TSHZ2: variants seen among roughly 807,000 people sequenced by gnomAD.
TSHZ2 encodes teashirt zinc finger homeobox 2.
TSHZ2 carries 21 observed loss-of-function variants against 74.4 expected under a neutral mutation model. That is an observed-to-expected ratio of 0.28 (90% CI 0.20 to 0.41). TSHZ2 has a LOEUF of 0.41. Ranked by LOEUF, TSHZ2 falls within the 10% of genes least tolerant of loss-of-function variation. TSHZ2 has a pLI of 1.00. For missense variants in TSHZ2, 1,244 were observed against 1,293.5 expected, an observed-to-expected ratio of 0.96 and a Z score of 0.59; for synonymous variants, 540 against 515.3, an observed-to-expected ratio of 1.05 and a Z score of -0.65.
intron 1 of TSHZ2, among the ~76,000 whole-genome samples, chr20:53,050,583 T>C (rs1984425170): frequency 6.6e-6 from 1 of 152,212 alleles, no homozygotes; most frequent in Non-Finnish European, 1.5e-5. Flanking sequence ...CTGTGTAATG[T>C]CAGCAGAGAC....
At chr20:53,180,390 C>G (rs1283693102) in intron 1 of TSHZ2, among the ~76,000 whole-genome samples, 2 of 152,174 alleles carry the variant, frequency 1.3e-5, no homozygotes, top group Non-Finnish European at 2.9e-5. Context: ...TCAAAGGGAA[C>G]AATCCGAAGT....
At chr20:53,216,479 G>A (rs1989436096) in intron 1 of TSHZ2, among the ~76,000 whole-genome samples, 1 of 152,184 alleles carries the variant, frequency 6.6e-6, no homozygotes, top group South Asian at 2.1e-4. Flanking sequence ...CCCTAGCTAG[G>A]ATATGTCATT....
intron 1 of TSHZ2, among the ~76,000 whole-genome samples, chr20:53,003,433 C>T (rs1244565128): frequency 6.6e-6 from 1 of 152,128 alleles, no homozygotes; most frequent in Non-Finnish European, 1.5e-5. Flanking sequence ...CCTCTGTGAA[C>T]TTTTGAGAAG....
At chr20:53,064,689 A>AACACACAC (rs111943855) in intron 1 of TSHZ2, among the ~76,000 whole-genome samples, 37,415 of 150,722 alleles carry the variant, frequency 0.25, 5,472 homozygotes, top group African/African-American at 0.4. Context: ...TAGACAGAGA[A>AACACACAC]ACACACACAC....
chr20:53,239,673 T>G (rs1990021192), intron 1 of TSHZ2, among the ~76,000 whole-genome samples: 1 of 152,078 alleles, frequency 6.6e-6, no homozygotes, highest in Non-Finnish European at 1.5e-5. Context: ...ATCCCAAATT[T>G]TACAGTATCA....
intron 1 of TSHZ2, among the ~76,000 whole-genome samples, chr20:53,235,477 G>C (rs921292498): frequency 2.0e-5 from 3 of 152,104 alleles, no homozygotes; most frequent in Non-Finnish European, 2.9e-5. Context: ...GCCAGGACTT[G>C]AGTTCATATC....
chr20:53,418,111 A>G (rs902109165), intron 2 of TSHZ2, among the ~76,000 whole-genome samples: 6 of 152,188 alleles, frequency 3.9e-5, no homozygotes, highest in African/African-American at 1.2e-4. Context: ...AGGTCTTGCT[A>G]TGGAGGGAAT....
intron 1 of TSHZ2, among the ~76,000 whole-genome samples, chr20:53,066,791 C>T (rs970705243): frequency 2.6e-5 from 4 of 152,184 alleles, no homozygotes; most frequent in Admixed American, 6.5e-5. Context: ...CAGGCGTGAG[C>T]CACCACGAAG....
chr20:53,364,198 G>C (rs906024721), intron 2 of TSHZ2, among the ~76,000 whole-genome samples: 1 of 152,330 alleles, frequency 6.6e-6, no homozygotes, highest in African/African-American at 2.4e-5. Flanking sequence ...CTGCCTGGGA[G>C]GAAGGTGCTT....
At chr20:53,011,883 A>G (rs1239553707) in intron 1 of TSHZ2, among the ~76,000 whole-genome samples, 1 of 152,162 alleles carries the variant, frequency 6.6e-6, no homozygotes, top group Non-Finnish European at 1.5e-5. Context: ...CAATAGGGTC[A>G]TTCTTTTCTG....
intron 1 of TSHZ2, among the ~76,000 whole-genome samples, chr20:53,112,039 G>A (rs1307794698): frequency 6.6e-6 from 1 of 152,172 alleles, no homozygotes; most frequent in Non-Finnish European, 1.5e-5. Flanking sequence ...ATCAAGAACT[G>A]AGAACCATGG....
At chr20:52,988,933 C>T (rs1159045079) in intron 1 of TSHZ2, among the ~76,000 whole-genome samples, 1 of 152,028 alleles carries the variant, frequency 6.6e-6, no homozygotes, top group Non-Finnish European at 1.5e-5. Context: ...ACGCATGCAA[C>T]GACACTGCCC....
chr20:53,314,619 T>C (rs1290365095), intron 2 of TSHZ2, among the ~76,000 whole-genome samples: 1 of 146,826 alleles, frequency 6.8e-6, no homozygotes, highest in African/African-American at 2.5e-5. Context: ...AATGTAGTCC[T>C]AGCTTTTTTT....
intron 2 of TSHZ2, among the ~76,000 whole-genome samples, chr20:53,468,121 A>G (rs2145828751): frequency 6.6e-6 from 1 of 152,338 alleles, no homozygotes; most frequent in East Asian, 1.9e-4. Flanking sequence ...CATACTGAGA[A>G]GAGATTCATG....
At chr20:53,336,387 G>C (rs1421497887) in intron 2 of TSHZ2, among the ~76,000 whole-genome samples, 1 of 152,212 alleles carries the variant, frequency 6.6e-6, no homozygotes, top group Non-Finnish European at 1.5e-5. Flanking sequence ...TCTGTAGCTA[G>C]TATATTTTAT....
chr20:53,349,196 A>G (rs1238237327), intron 2 of TSHZ2, among the ~76,000 whole-genome samples: 3 of 152,224 alleles, frequency 2.0e-5, no homozygotes, highest in African/African-American at 7.2e-5. Flanking sequence ...CAGTTTCCTC[A>G]TCTGTTAAAA....
intron 2 of TSHZ2, among the ~76,000 whole-genome samples, chr20:53,370,188 C>G (rs156611): frequency 0.52 from 79,558 of 151,888 alleles, 24,350 homozygotes; most frequent in Non-Finnish European, 0.7. Flanking sequence ...CTCTAAAATT[C>G]AGAGAGCAGC....
chr20:53,048,787 T>TG (rs750913358), intron 1 of TSHZ2, among the ~76,000 whole-genome samples: 12 of 152,152 alleles, frequency 7.9e-5, no homozygotes, highest in South Asian at 6.2e-4. Flanking sequence ...ATTTTGTGAG[T>TG]GGGGGGTTCT....
intron 2 of TSHZ2, among the ~76,000 whole-genome samples, chr20:53,449,434 T>A (rs937574221): frequency 1.3e-5 from 2 of 152,242 alleles, no homozygotes; most frequent in Non-Finnish European, 2.9e-5. Context: ...GCACCCACTA[T>A]GTGTCAGGCA....
Sources: allele counts gnomAD v4.1 joint callset (sites outside exome capture counted in the v4.1 genomes callset), GRCh38; gene constraint gnomAD v4.1.1; transcripts MANE v1.5; gene names NCBI Gene and HGNC (gene_info 2026-07-23, HGNC 2026-07-21).